Variants in HEXD observed in about 807,000 individuals in gnomAD.
The protein encoded by HEXD is N-acetyl-beta-galactosaminidase.
In HEXD, 47 loss-of-function variants were observed where a neutral mutation model predicts 54.2. The ratio of observed to expected loss-of-function variants is 0.87; its 90% confidence interval spans 0.69 to 1.11. HEXD has a LOEUF of 1.11. HEXD is among the 50% of genes least tolerant of loss of function. The pLI, the probability that HEXD is intolerant of heterozygous loss-of-function variation, is 0.00. For missense variants in HEXD, 576 were observed against 649.2 expected, an observed-to-expected ratio of 0.89 and a Z score of 1.23; for synonymous variants, 293 against 287.6, an observed-to-expected ratio of 1.02 and a Z score of -0.19.
In HEXD at chr17:82,441,281, TA is replaced by T. The variant is rs757588643; in HGVS notation, c.1163+16del. The T allele has an allele frequency of 9.0e-5, 143 of 1,595,414 alleles. 1 individual carries two copies. The highest frequency in any genetic ancestry group is 8.9e-5 in the South Asian group (8 of 89,848). Reference sequence around the variant, plus strand: ...GAGGGCAACAGGTGAGCGTGTGGGTTAGGGGCAGGTGTGGGTGAGGGGGGCA... The same window carrying T: ...GAGGGCAACAGGTGAGCGTGTGGGTTGGGGCAGGTGTGGGTGAGGGGGGCA... On this transcript the variant is annotated intron_variant, in intron 11 of 12. Transcript: ENST00000327949.
intron 9 of HEXD, 121 bp downstream of exon 9, chr17:82,439,834 A>C: frequency 6.4e-7 from 1 of 1,572,858 alleles, no homozygotes; most frequent in Non-Finnish European, 8.6e-7. Context: ...TCACAGTCGG[A>C]GGATGGTCTC....
At chr17:82,433,065 CA>C (rs1296067212) in intron 4 of HEXD, among the ~76,000 whole-genome samples, 3 of 9,632 alleles carry the variant, frequency 3.1e-4, no homozygotes, top group African/African-American at 4.4e-4. Flanking sequence ...GACTCCATCT[CA>C]AAAAAAAAAA....
At chr17:82,421,423 C>T (rs1283283906) in intron 2 of HEXD, among the ~76,000 whole-genome samples, 3 of 152,190 alleles carry the variant, frequency 2.0e-5, no homozygotes, top group Non-Finnish European at 2.9e-5. Flanking sequence ...AAAAACACTG[C>T]AGAAGCAGCT....
At chr17:82,438,925 C>A (rs2379234) in intron 8 of HEXD, among the ~76,000 whole-genome samples, 1 of 152,276 alleles carries the variant, frequency 6.6e-6, no homozygotes, top group South Asian at 2.1e-4. Flanking sequence ...CCCAGAGCAG[C>A]GGCGCATCCT....
chr17:82,422,031 G>C (rs903233607), intron 2 of HEXD, among the ~76,000 whole-genome samples: 2 of 151,972 alleles, frequency 1.3e-5, no homozygotes, highest in Non-Finnish European at 2.9e-5. Context: ...AGCCCCGTGT[G>C]GTGGCGGCGC....
intron 11 of HEXD, 105 bp from the exon 12 acceptor site, chr17:82,441,695 C>A: frequency 6.7e-6 from 6 of 896,772 alleles, no homozygotes; most frequent in Non-Finnish European, 1.1e-5. Flanking sequence ...GGACATAAGA[C>A]TTAGAAATGT....
Position 82,441,218 on chromosome 17 carries a change from T to C in HEXD, c.1115T>C (p.Val372Ala), listed in dbSNP as rs763661495. 7.4e-6 allele frequency: 12 copies of C among 1,612,864 alleles called. No individual in the cohort carries two copies. In the South Asian group the frequency reaches 9.9e-5, roughly 13 times the overall value. Residue 372 changes from valine (V) to alanine (A), a missense_variant, in exon 11 of 13, where the codon GTC becomes GCC. Val to Ala is a moderately conservative substitution (Grantham distance 64). Transcript: ENST00000327949. ...GSNILALVTQ[V>A]SLHLRSSVDA... ...AACATCCTTGCCCTTGTCACACAAG[T>C]CAGCCTCCATCTGCGCAGCTCTGTG...
At chr17:82,429,941 G>A (rs561807755) in intron 4 of HEXD, among the ~76,000 whole-genome samples, 1 of 152,030 alleles carries the variant, frequency 6.6e-6, no homozygotes, top group Non-Finnish European at 1.5e-5. Flanking sequence ...CCTGCTGGTC[G>A]CTTCCATTGA....
At chr17:82,419,081 CCTTTGTG>C (rs1221272665) in intron 1 of HEXD, among the ~76,000 whole-genome samples, 1 of 152,196 alleles carries the variant, frequency 6.6e-6, no homozygotes, top group Non-Finnish European at 1.5e-5. Context: ...CTCACCCAAT[CCTTTGTG>C]CTTTCATAGT....
chr17:82,431,976 G>T (rs1379161643), intron 4 of HEXD, among the ~76,000 whole-genome samples: 4 of 152,200 alleles, frequency 2.6e-5, no homozygotes, highest in Admixed American at 6.5e-5. Context: ...TGCAGGACCT[G>T]CCCCTGGCTG....
rs1201365898 is a variant in HEXD at position 82,440,759 on chromosome 17, TCTTA to T, written c.983-234_983-231del. Reference sequence around the variant, plus strand: ...CCGGGTGTTGCTGCTGGCAACACAGTCTTACTTCTGTTTTCTGATTTTTAAAATA... The same window carrying T: ...CCGGGTGTTGCTGCTGGCAACACAGTCTTCTGTTTTCTGATTTTTAAAATA... On this transcript the variant is annotated intron_variant, in intron 9 of 12. Coordinates refer to ENST00000327949, the MANE Select transcript of HEXD (RefSeq NM_001330542.2). 17 of 557,266 alleles carry T rather than the reference TCTTA, an allele frequency of 3.1e-5. No individual in the cohort carries two copies. In the East Asian group the frequency reaches 3.2e-4, roughly 10 times the overall value. The allele number at this position is 557,266 out of a possible 1,614,324, so 34.5% of individuals were successfully genotyped here.
intron 2 of HEXD, chr17:82,420,135 G>C (rs888876996): frequency 9.2e-6 from 3 of 327,134 alleles, no homozygotes; most frequent in African/African-American, 6.5e-5. Flanking sequence ...TTTCTTTTGG[G>C]TTGAAGTGTA....
intron 3 of HEXD, among the ~76,000 whole-genome samples, chr17:82,425,046 G>A (rs1283755386): frequency 6.6e-6 from 1 of 151,556 alleles, no homozygotes; most frequent in Non-Finnish European, 1.5e-5. Context: ...GGAGGCTGGA[G>A]GAGGCCAGAG....
chr17:82,442,296 T>A lies in HEXD; in HGVS notation c.1373T>A (p.Leu458Gln). The A allele has an allele frequency of 1.9e-6, 3 of 1,608,948 alleles. No individual in the cohort carries two copies. The highest frequency in any genetic ancestry group is 3.3e-4 in the Middle Eastern group (2 of 6,050). The change falls in exon 13 of 13, where the codon CTG (leucine) becomes CAG (glutamine). Residue 458 changes from leucine to glutamine, a missense_variant. Leu to Gln is a moderately radical substitution (Grantham distance 113). Coordinates refer to ENST00000327949, the MANE Select transcript of HEXD (RefSeq NM_001330542.2). The surrounding 1 kb of genome is among the most constrained non-coding windows in gnomAD (Gnocchi z 6.8). The part of the protein sequence containing the change: ...EENVHPSLQR[L>Q]QALLQDLSEV... ...AACGTGCACCCCAGCCTGCAGCGGC[T>A]GCAAGCTCTGCTGCAGGACCTCAGC...
intron 3 of HEXD, among the ~76,000 whole-genome samples, chr17:82,425,192 A>AAGGCTGGAGG (rs200176708): frequency 2.8e-5 from 4 of 142,324 alleles, no homozygotes; most frequent in African/African-American, 1.1e-4. Context: ...GAGGCCGGAG[A>AAGGCTGGAGG]AGGCTGGAGG....
In HEXD at chr17:82,435,850, C is replaced by A. The variant is rs770417262; in HGVS notation, c.609C>A (p.Asp203Glu). The change falls in exon 6 of 13, where the codon GAC (aspartate) becomes GAA (glutamate). Residue 203 changes from aspartate to glutamate, a missense_variant. Transcript: ENST00000327949. ...TGGTGTGGGACGACATGCTCCGAGA[C>A]CTGCCTGAGGACCAGCTCGCAGGTC... is the stretch of plus-strand genomic sequence containing the variant. The part of the protein sequence containing the change: ...TPLVWDDMLR[D>E]LPEDQLAASG... 13 of 1,609,224 alleles carry A rather than the reference C, an allele frequency of 8.1e-6. No individual in the cohort carries two copies. The highest frequency in any genetic ancestry group is 1.7e-5 in the Admixed American group (1 of 59,914).
In HEXD at chr17:82,435,822, C is replaced by A. The variant is rs1342068303; in HGVS notation, c.581C>A (p.Pro194His). 6.2e-7 allele frequency: 1 copy of A among 1,612,280 alleles called. No homozygotes were observed. Among genetic ancestry groups the A allele is most frequent in the Non-Finnish European group, 8.5e-7 (1 of 1,179,796 alleles). ...GVKARRPSVT[P>H]LVWDDMLRDL... is the part of the protein sequence containing the mutation. ...AAGGCCCGGCGCCCCAGCGTGACAC[C>A]CCTGGTGTGGGACGACATGCTCCGA... The change falls in exon 6 of 13, where the codon CCC becomes CAC. Residue 194 changes from proline (P) to histidine (H), a missense_variant. Pro to His is a moderately conservative substitution (Grantham distance 77). Transcript: ENST00000327949.
At position 82,439,691 on chromosome 17, in the gene HEXD, C is replaced by T. The variant is rs2053872250; in HGVS notation, c.960C>T (p.Ala320=). 6.3e-7 allele frequency: 1 copy of T among 1,599,300 alleles called. No individual in the cohort carries two copies. Among genetic ancestry groups the T allele is most frequent in the Admixed American group, 1.7e-5 (1 of 59,878 alleles). Residue 320 remains alanine (A), a synonymous_variant, in exon 9 of 13, where the codon GCC becomes GCT. Transcript: ENST00000327949. ...CCGCAGGAGTCCCGTCCCTGGCCGCCTGCCTGCAGTTGCTTCTACGCGGTA... is the reference window on the plus strand; with the variant it reads ...CCGCAGGAGTCCCGTCCCTGGCCGCTTGCCTGCAGTTGCTTCTACGCGGTA... ...LLPAGVPSLA[A]CLQLLLRGGF... is the part of the protein sequence containing the mutation.
chr17:82,431,138 G>A (rs566004142), intron 4 of HEXD, among the ~76,000 whole-genome samples: 108 of 150,186 alleles, frequency 7.2e-4, no homozygotes, highest in African/African-American at 2.6e-3. Flanking sequence ...GAGTAGCAGG[G>A]ACCACAGGTG....
Sources: allele counts gnomAD v4.1 joint callset (sites outside exome capture counted in the v4.1 genomes callset), GRCh38; gene constraint gnomAD v4.1.1; non-coding constraint Gnocchi (gnomAD v3.1); transcripts MANE v1.5; gene names NCBI Gene and HGNC (gene_info 2026-07-23, HGNC 2026-07-21).